EDNRB: variants seen among roughly 807,000 people sequenced by gnomAD.
The protein encoded by EDNRB is Hirschsprung disease 2.
Under a neutral mutation model 46.4 loss-of-function variants are expected in EDNRB, and 18 were observed. The ratio of observed to expected loss-of-function variants is 0.39; its 90% CI spans 0.27 to 0.57. EDNRB has a LOEUF of 0.57. Ranked by LOEUF, EDNRB falls within the 20% of genes least tolerant of loss-of-function variation. EDNRB has a pLI of 0.61. For synonymous variants in EDNRB, 213 were observed against 204.9 expected (o/e 1.04, Z -0.34); for missense variants, 434 against 537.5 (o/e 0.81, Z 1.90).
chr13:77,954,477 A>AGTAT (rs1424327461), intron 1 of EDNRB, among the ~76,000 whole-genome samples: 2 of 138,460 alleles, frequency 1.4e-5, no homozygotes, highest in Non-Finnish European at 3.2e-5. Context: ...TTTTTAAGAA[A>AGTAT]GTATTTATTT....
chr13:77,974,913 G>T (rs12720111), intron 1 of EDNRB, among the ~76,000 whole-genome samples: 13,000 of 152,076 alleles, frequency 0.085, 718 homozygotes, highest in Non-Finnish European at 0.12. Flanking sequence ...ATAGTTCCTA[G>T]TAGGGTGGGC....
intron 1 of EDNRB, among the ~76,000 whole-genome samples, chr13:77,906,282 TAC>T: frequency 6.6e-6 from 1 of 152,020 alleles, no homozygotes; most frequent in East Asian, 1.9e-4. Flanking sequence ...AACTGCCAAT[TAC>T]CCTTAGAAAT....
At chr13:77,966,152 G>A (rs1264434630) in intron 1 of EDNRB, among the ~76,000 whole-genome samples, 1 of 152,116 alleles carries the variant, frequency 6.6e-6, no homozygotes, top group Non-Finnish European at 1.5e-5. Context: ...GCCTCCCAAA[G>A]TGCTGGGATT....
At chr13:77,965,036 A>G (rs1335141317) in intron 1 of EDNRB, among the ~76,000 whole-genome samples, 1 of 152,224 alleles carries the variant, frequency 6.6e-6, no homozygotes, top group Non-Finnish European at 1.5e-5. Context: ...CTGGTCAAAT[A>G]TTCTTATCAT....
chr13:77,913,052 A>G (rs1445061503), intron 1 of EDNRB, among the ~76,000 whole-genome samples: 1 of 152,128 alleles, frequency 6.6e-6, no homozygotes, highest in Non-Finnish European at 1.5e-5. Flanking sequence ...ACTTTTAACT[A>G]CAAAACTAGT....
rs2137651758 is a variant in EDNRB at position 77,928,892 on chromosome 13, C to T, written c.-51-10268G>A. ...TTAATTTAAAAATAACAAAAAACAT[C>T]TTCCAACCTCTCACTTTTAAATCAT... On this transcript the variant is annotated intron_variant, in intron 1 of 7. Transcript: ENST00000646948. Among the ~76,000 whole-genome samples the T allele has an allele frequency of 2.0e-5, 3 of 152,316 alleles. 1 individual carries two copies. The highest frequency in any genetic ancestry group is 6.8e-3 in the Middle Eastern group (2 of 294).
Position 77,901,220 on chromosome 13 carries a change from G to C in EDNRB, c.802-13C>G. 1.2e-6 allele frequency: 2 copies of C among 1,609,256 alleles called. No homozygotes were observed. The highest frequency in any genetic ancestry group is 1.7e-6 in the Non-Finnish European group (2 of 1,177,342). On this transcript the variant is annotated splice_polypyrimidine_tract_variant and intron_variant, in intron 3 of 6. Coordinates refer to ENST00000646607, the MANE Select transcript of EDNRB (RefSeq NM_001122659.3). ...CTGTCTTGTAAAACTATAGGGATGA[G>C]AGAATTTTTACGATTAATACTCCTC...
chr13:77,951,424 C>T (rs1881085226), intron 1 of EDNRB, among the ~76,000 whole-genome samples: 1 of 152,114 alleles, frequency 6.6e-6, no homozygotes, highest in Non-Finnish European at 1.5e-5. Flanking sequence ...TGTTAAATAT[C>T]AAATCTCAAT....
chr13:77,908,802 G>T (rs1414296628), intron 1 of EDNRB, among the ~76,000 whole-genome samples: 3 of 151,918 alleles, frequency 2.0e-5, no homozygotes, highest in African/African-American at 7.2e-5. Flanking sequence ...CGCAAAAAGG[G>T]TGTTTAGAGT....
rs1393600559 is a variant in EDNRB, at chr13:77,895,524, C to T, written c.*2676G>A. On this transcript the variant is annotated 3_prime_UTR_variant, in exon 7 of 7. Coordinates refer to ENST00000646607, the MANE Select transcript of EDNRB (RefSeq NM_001122659.3). Reference sequence around the variant, plus strand: ...GGCATTTTAATTGAATAACTTCATACTTGCTTGATAATTGTATATTTAACA... The same window carrying T: ...GGCATTTTAATTGAATAACTTCATATTTGCTTGATAATTGTATATTTAACA... 6.6e-6 allele frequency: 1 copy of T among 152,010 alleles called. No homozygotes were observed. Among genetic ancestry groups the T allele is most frequent in the African/African-American group, 2.4e-5 (1 of 41,420 alleles). The allele number at this position is 152,010 out of a possible 1,614,324, so 9.4% of individuals were successfully genotyped here. A position where few individuals can be genotyped will look rare whatever the true frequency, so the allele number is the denominator to read the frequency against.
At chr13:77,922,536 A>G (rs1411060019), upstream of EDNRB, among the ~76,000 whole-genome samples, 2 of 152,226 alleles carry the variant, frequency 1.3e-5, no homozygotes, top group African/African-American at 2.4e-5. Context: ...AAACACAGAA[A>G]GAGTTGGTTC....
intron 1 of EDNRB, among the ~76,000 whole-genome samples, chr13:77,951,043 T>C (rs995137643): frequency 6.6e-6 from 1 of 152,174 alleles, no homozygotes; most frequent in African/African-American, 2.4e-5. Context: ...TGAATTCTCT[T>C]ATTCACATTA....
At chr13:77,900,141 A>G (rs1267723323) in intron 5 of EDNRB, among the ~76,000 whole-genome samples, 174 bp from the exon 6 acceptor site, 2 of 151,880 alleles carry the variant, frequency 1.3e-5, no homozygotes, top group Non-Finnish European at 2.9e-5. Flanking sequence ...GTCCCCCTCT[A>G]ACTCTAGCAT....
In EDNRB at chr13:77,898,171, A is replaced by G; in HGVS notation, c.*29T>C. On this transcript the variant is annotated 3_prime_UTR_variant, in exon 7 of 7. Coordinates refer to ENST00000646607, the MANE Select transcript of EDNRB (RefSeq NM_001122659.3). Reference sequence around the variant, plus strand: ...TTAATGACTTCGGTCCAATATAAAGAAAATGAAATACAGTGAATAGTTCTT... The same window carrying G: ...TTAATGACTTCGGTCCAATATAAAGGAAATGAAATACAGTGAATAGTTCTT... 4 of 1,608,402 alleles carry G rather than the reference A, an allele frequency of 2.5e-6. No homozygotes were observed. The highest frequency in any genetic ancestry group is 2.7e-5 in the African/African-American group (2 of 74,874).
At chr13:77,969,555 T>C (rs188820593) in intron 1 of EDNRB, among the ~76,000 whole-genome samples, 11 of 152,344 alleles carry the variant, frequency 7.2e-5, no homozygotes, top group Admixed American at 6.5e-4. Flanking sequence ...AATTATGCAT[T>C]GTGCTTCATT....
Position 77,903,236 on chromosome 13 carries a change from C to CA in EDNRB, c.720dup (p.Asp241Ter). On this transcript the variant is annotated frameshift_variant, in exon 3 of 7. Coordinates refer to ENST00000646607, the MANE Select transcript of EDNRB (RefSeq NM_001122659.3). LOFTEE classifies it high-confidence loss of function. ...CCTTTGTAGTCCATCGTAATTATATCAAAACCTATGGCTTCAGGGACAGCC... is the reference window on the plus strand; with the variant it reads ...CCTTTGTAGTCCATCGTAATTATATCAAAAACCTATGGCTTCAGGGACAGCC... The CA allele has an allele frequency of 6.2e-7, 1 of 1,613,028 alleles. No homozygotes were observed. The highest frequency in any genetic ancestry group is 8.5e-7 in the Non-Finnish European group (1 of 1,179,376).
chr13:77,916,360 C>T (rs1879804750), intron 1 of EDNRB, among the ~76,000 whole-genome samples: 1 of 152,142 alleles, frequency 6.6e-6, no homozygotes, highest in Admixed American at 6.6e-5. Flanking sequence ...TTGTGGGACG[C>T]CTTAAGAAGT....
chr13:77,963,282 A>G (rs1412159521), intron 1 of EDNRB, among the ~76,000 whole-genome samples: 1 of 152,208 alleles, frequency 6.6e-6, no homozygotes, highest in Non-Finnish European at 1.5e-5. Context: ...TAAAGTTCAT[A>G]TGGAACCAAA....
chr13:77,932,048 T>TAA (rs5804946), intron 1 of EDNRB, among the ~76,000 whole-genome samples: 21 of 144,008 alleles, frequency 1.5e-4, no homozygotes, highest in Admixed American at 2.7e-4. Context: ...GGTGAATTAT[T>TAA]AAAAAAAAAA....
Sources: gnomAD v4.1 joint callset for allele counts (sites outside exome capture counted in the v4.1 genomes callset) on GRCh38, gnomAD v4.1.1 for gene constraint, MANE v1.5 for transcripts, NCBI Gene and HGNC (gene_info 2026-07-23, HGNC 2026-07-21) for gene names.